ENTPD6: variants seen among roughly 807,000 people sequenced by gnomAD.
The protein encoded by ENTPD6 is CD39 antigen-like 2.
In ENTPD6, 46 loss-of-function variants were observed where a neutral mutation model predicts 61.5. The observed-to-expected ratio is 0.75, with a 90% CI of 0.59 to 0.96. The LOEUF (loss-of-function observed/expected upper bound fraction) is 0.96. ENTPD6 is among the 40% of genes least tolerant of loss of function. The pLI, the probability that ENTPD6 is intolerant of heterozygous loss-of-function variation, is 0.00. For missense variants in ENTPD6, 612 were observed against 629.0 expected (o/e 0.97, Z 0.29); for synonymous variants, 252 against 255.5 (o/e 0.99, Z 0.13).
In ENTPD6 at chr20:25,195,778, CG is replaced by C; in HGVS notation, c.-101del. 2 of 1,133,854 alleles carry C rather than the reference CG, an allele frequency of 1.8e-6. No individual in the cohort carries two copies. Among genetic ancestry groups the C allele is most frequent in the Non-Finnish European group, 1.1e-6 (1 of 891,498 alleles). 70.2% of individuals were successfully genotyped at this position (1,133,854 alleles called of 1,614,324 possible). A position where few individuals can be genotyped will look rare whatever the true frequency, so the allele number is the denominator to read the frequency against. On this transcript the variant is annotated 5_prime_UTR_variant, in exon 1 of 15. Coordinates refer to ENST00000376652, the MANE Select transcript of ENTPD6 (RefSeq NM_001247.5). ...GGGTGGAGGCCGGGGTGGCGCCGGCCGGGGCGGGGGAGCCCAAAAGACCGGC... is the reference window on the plus strand; with the variant it reads ...GGGTGGAGGCCGGGGTGGCGCCGGCCGGGCGGGGGAGCCCAAAAGACCGGC...
rs1254132170 is a variant in ENTPD6 at position 25,218,541 on chromosome 20, T to C, written c.879-9T>C. 6 of 1,601,832 alleles carry C rather than the reference T, an allele frequency of 3.7e-6. No homozygotes were observed. Among genetic ancestry groups the C allele is most frequent in the South Asian group, 3.4e-5 (3 of 88,150 alleles). On this transcript the variant is annotated splice_polypyrimidine_tract_variant and intron_variant, in intron 9 of 14. Transcript: ENST00000376652. ...GGCAGCTGCCCTCACTGAGGTGTCA[T>C]TCCCACAGCTACCTCGGGCTCGGGC...
chr20:25,200,899 A>G (rs1471049138), intron 1 of ENTPD6, among the ~76,000 whole-genome samples: 4 of 150,754 alleles, frequency 2.7e-5, no homozygotes, highest in African/African-American at 4.9e-5. Context: ...TAAGGTGTAC[A>G]GTTAGGTTGT....
At chr20:25,225,164 G>A in intron 13 of ENTPD6, 41 bp from the exon 14 acceptor site, 1 of 1,586,758 alleles carries the variant, frequency 6.3e-7, no homozygotes, top group Non-Finnish European at 8.6e-7. Context: ...GCCCCCAGGT[G>A]GGAGTCACCT....
chr20:25,202,903 A>C (rs1412216462), intron 1 of ENTPD6, among the ~76,000 whole-genome samples: 2 of 152,212 alleles, frequency 1.3e-5, no homozygotes, highest in African/African-American at 2.4e-5. Context: ...GCTGCTGTCT[A>C]GTGCCCTTTT....
intron 4 of ENTPD6, among the ~76,000 whole-genome samples, chr20:25,210,324 G>A (rs552625286): frequency 3.0e-4 from 45 of 152,216 alleles, no homozygotes; most frequent in Non-Finnish European, 4.1e-4. Context: ...GTTTCTGATC[G>A]AAGATAGCAA....
chr20:25,224,216 G>A lies in ENTPD6; in HGVS notation c.1243+59G>A, dbSNP rs115238957. On this transcript the variant is annotated intron_variant, in intron 13 of 14. Transcript: ENST00000376652. ...GCAGGCGCCCCGTGATGCTCGTGACGCAGGCGCTGGCCCTGACTCTCCTGG... is the reference window on the plus strand; with the variant it reads ...GCAGGCGCCCCGTGATGCTCGTGACACAGGCGCTGGCCCTGACTCTCCTGG... 6.8e-4 allele frequency: 1,023 copies of A among 1,499,060 alleles called. 6 individuals are homozygous for A. In the African/African-American group the frequency reaches 0.012, roughly 18 times the overall value. 92.9% of individuals were successfully genotyped at this position (1,499,060 alleles called of 1,614,324 possible).
intron 7 of ENTPD6, among the ~76,000 whole-genome samples, 182 bp from the exon 8 acceptor site, chr20:25,216,466 C>T (rs1174981742): frequency 6.6e-6 from 1 of 152,180 alleles, no homozygotes; most frequent in African/African-American, 2.4e-5. Flanking sequence ...TAAACCACAG[C>T]TGGTGGAGCC....
At chr20:25,211,550 G>A (rs1165688662) in intron 4 of ENTPD6, among the ~76,000 whole-genome samples, 3 of 152,218 alleles carry the variant, frequency 2.0e-5, no homozygotes, top group Admixed American at 6.5e-5. Flanking sequence ...TCACACCCAC[G>A]GTGGTGTCCA....
At chr20:25,197,258 C>T in intron 1 of ENTPD6, 1 of 984,832 alleles carries the variant, frequency 1.0e-6, no homozygotes, top group Non-Finnish European at 1.2e-6. Context: ...GAAAGCCAAC[C>T]AGGGGACAGG....
intron 4 of ENTPD6, among the ~76,000 whole-genome samples, chr20:25,211,905 C>A (rs191491252): frequency 6.6e-6 from 1 of 152,114 alleles, no homozygotes; most frequent in African/African-American, 2.4e-5. Context: ...GCCTCCCAGG[C>A]TCAAATGATC....
intron 11 of ENTPD6, 75 bp from the exon 12 acceptor site, chr20:25,222,763 T>C: frequency 1.3e-6 from 2 of 1,573,688 alleles, no homozygotes; most frequent in Non-Finnish European, 1.7e-6. Context: ...TCAAGTCCCC[T>C]GGGAGGGGCC....
intron 13 of ENTPD6, 89 bp from the exon 14 acceptor site, chr20:25,225,116 C>T (rs1009702881): frequency 6.6e-7 from 1 of 1,522,870 alleles, no homozygotes; most frequent in Non-Finnish European, 8.8e-7. Context: ...CAGCGGGTGC[C>T]TGTAGTGGGT....
At position 25,207,080 on chromosome 20, in the gene ENTPD6, C is replaced by A; in HGVS notation, c.59C>A (p.Pro20Gln). 1 of 1,601,854 alleles carries A rather than the reference C, an allele frequency of 6.2e-7. No individual in the cohort carries two copies. Reference sequence around the variant, plus strand: ...CCTCTCCCCCCTTCCCACCAGCAGCCGCAGCACGGTCCTTGGCAAACAAGG... The same window carrying A: ...CCTCTCCCCCCTTCCCACCAGCAGCAGCAGCACGGTCCTTGGCAAACAAGG... ...SRKTSYIFQQ[P>Q]QHGPWQTRMR... is the part of the protein sequence containing the mutation. Residue 20 changes from proline (P) to glutamine (Q), a missense_variant, in exon 3 of 15, where the codon CCG becomes CAG. Physicochemically the swap from Pro to Gln is moderately conservative, Grantham distance 76 (BLOSUM62 -1). Coordinates refer to ENST00000376652, the MANE Select transcript of ENTPD6 (RefSeq NM_001247.5).
chr20:25,223,743 T>C (rs892774671), intron 12 of ENTPD6: 14 of 164,884 alleles, frequency 8.5e-5, no homozygotes, highest in Middle Eastern at 5.4e-3. Flanking sequence ...GATACCAGAA[T>C]ACTGTTGCTG....
chr20:25,196,195 A>AC (rs927028220), intron 1 of ENTPD6: 2 of 1,191,488 alleles, frequency 1.7e-6, no homozygotes, highest in Admixed American at 4.5e-5. Context: ...TCAGGGACAG[A>AC]CCCCTCCGCC....
chr20:25,198,766 T>TTAA (rs1254898191), intron 1 of ENTPD6, among the ~76,000 whole-genome samples: 1 of 152,190 alleles, frequency 6.6e-6, no homozygotes, highest in Non-Finnish European at 1.5e-5. Flanking sequence ...TGACGTTGCC[T>TTAA]TAATGTGCAT....
rs1163022165 is a variant in ENTPD6 at position 25,225,494 on chromosome 20, T to C, written c.1357-5T>C. On this transcript the variant is annotated splice_region_variant and splice_polypyrimidine_tract_variant and intron_variant, in intron 14 of 14. Coordinates refer to ENST00000376652, the MANE Select transcript of ENTPD6 (RefSeq NM_001247.5). ...TGGTCCCCTCTCCCTCTCTGTCTTT[T>C]CAAGCTCACTCGGAAAATTGACAAT... is the stretch of plus-strand genomic sequence containing the variant. 6.2e-7 allele frequency: 1 copy of C among 1,613,410 alleles called. No homozygotes were observed. The highest frequency in any genetic ancestry group is 8.5e-7 in the Non-Finnish European group (1 of 1,179,576).
intron 2 of ENTPD6, 149 bp from the exon 3 acceptor site, chr20:25,206,927 T>C: frequency 1.4e-6 from 1 of 719,236 alleles, no homozygotes; most frequent in South Asian, 1.9e-5. Flanking sequence ...CTGGAATAAT[T>C]ATGAGGCTCA....
At chr20:25,203,306 T>A (rs2091190668) in intron 1 of ENTPD6, among the ~76,000 whole-genome samples, 1 of 152,242 alleles carries the variant, frequency 6.6e-6, no homozygotes, top group Non-Finnish European at 1.5e-5. Context: ...ATGTTTATAT[T>A]CATGTCTTTA....
Sources: allele counts gnomAD v4.1 joint callset (sites outside exome capture counted in the v4.1 genomes callset), GRCh38; gene constraint gnomAD v4.1.1; transcripts MANE v1.5; gene names NCBI Gene and HGNC (gene_info 2026-07-23, HGNC 2026-07-21).